Variants in ANK2 observed in about 807,000 individuals in gnomAD.
ANK2 encodes the protein ankyrin 2.
In ANK2, 83 loss-of-function variants were observed where a neutral mutation model predicts 360.5. The ratio of observed to expected loss-of-function variants is 0.23; its 90% CI spans 0.19 to 0.28. The LOEUF (loss-of-function observed/expected upper bound fraction) is 0.28, where lower values mean the gene tolerates loss of function less well. ANK2 is among the 10% of genes least tolerant of loss of function. The pLI, the probability that ANK2 is intolerant of heterozygous loss-of-function variation, is 1.00. For missense variants in ANK2, 4,201 were observed against 4,795.7 expected (o/e 0.88, Z 3.66); for synonymous variants, 1,740 against 1,759.5 (o/e 0.99, Z 0.28).
chr4:113,381,578 C>T lies in ANK2; in HGVS notation c.*107C>T, dbSNP rs571725477. On this transcript the variant is annotated 3_prime_UTR_variant, in exon 46 of 46. Transcript: ENST00000357077. ...AGCACTAGACCAGGACGACCTCCAGCGCGATCTCCAGCAGCTCCTTCGGCA... is the reference window on the plus strand; with the variant it reads ...AGCACTAGACCAGGACGACCTCCAGTGCGATCTCCAGCAGCTCCTTCGGCA... 1.4e-5 allele frequency: 22 copies of T among 1,603,068 alleles called. No individual in the cohort carries two copies. The highest frequency in any genetic ancestry group is 6.7e-5 in the East Asian group (3 of 44,598).
rs1585111887 is a variant in ANK2, at chr4:113,217,673, C to G, written c.385-14488C>G. Among the ~76,000 whole-genome samples, 3 of 152,206 alleles carry G rather than the reference C, an allele frequency of 2.0e-5. No individual in the cohort carries two copies. The East Asian group carries it at 5.8e-4, about 29-fold the overall frequency. ...GAATCTAATGCCATCTCTGATCTGA[C>G]AGGAGGTGGAGCTCAGGCGGTAATG... On this transcript the variant is annotated intron_variant, in intron 4 of 45. Transcript: ENST00000357077.
At chr4:112,872,494 C>T (rs1008621305) in intron 1 of ANK2, among the ~76,000 whole-genome samples, 4 of 152,212 alleles carry the variant, frequency 2.6e-5, no homozygotes, top group African/African-American at 7.2e-5. Context: ...TGCGCCATCA[C>T]GCCTGGCTAA....
chr4:112,955,331 A>G (rs897911855), intron 2 of ANK2, among the ~76,000 whole-genome samples: 11 of 152,174 alleles, frequency 7.2e-5, no homozygotes, highest in African/African-American at 2.4e-4. Context: ...TGCAAAAATC[A>G]TCTTTTACTT....
intron 2 of ANK2, among the ~76,000 whole-genome samples, chr4:113,028,200 C>T (rs1185393732): frequency 6.6e-6 from 1 of 151,948 alleles, no homozygotes. Flanking sequence ...TATGAGAGCA[C>T]AGAGTAGGCA....
rs561478127 is a variant in ANK2, at chr4:113,105,962, C to T, written c.84+56150C>T. 7.0e-4 allele frequency among the ~76,000 whole-genome samples: 106 copies of T among 152,264 alleles called. 3 individuals carry two copies. In the South Asian group the frequency reaches 0.021, roughly 30 times the overall value. On this transcript the variant is annotated intron_variant, in intron 1 of 45. Transcript: ENST00000357077. ...GAGATTTGGGAGAGGGATGTGGCAA[C>T]TGCTAACTTATAAATATTTTGCTAA... is the stretch of plus-strand genomic sequence containing the variant.
intron 2 of ANK2, among the ~76,000 whole-genome samples, chr4:112,916,415 C>A (rs2089858951): frequency 6.6e-6 from 1 of 152,180 alleles, no homozygotes; most frequent in Admixed American, 6.5e-5. Context: ...CTTTAATGTG[C>A]ATCATAATTC....
chr4:113,030,990 A>C (rs1263990115), intron 2 of ANK2, among the ~76,000 whole-genome samples: 1 of 152,006 alleles, frequency 6.6e-6, no homozygotes, highest in African/African-American at 2.4e-5. Context: ...AGAGTGATAG[A>C]TATTATGAGA....
intron 1 of ANK2, among the ~76,000 whole-genome samples, chr4:112,850,325 T>TCCATC (rs1560781869): frequency 2.5e-5 from 2 of 78,748 alleles, no homozygotes; most frequent in African/African-American, 1.1e-4. Flanking sequence ...ATCCATCCAT[T>TCCATC]CATCTGTCCA....
intron 14 of ANK2, among the ~76,000 whole-genome samples, chr4:113,271,479 GACACAC>G (rs3059950): frequency 1.3e-5 from 2 of 150,424 alleles, no homozygotes; most frequent in Admixed American, 6.6e-5. Flanking sequence ...TGCACGCACA[GACACAC>G]ACACACACAC....
At chr4:113,331,749 A>G (rs1346121703) in intron 27 of ANK2, among the ~76,000 whole-genome samples, 1 of 151,940 alleles carries the variant, frequency 6.6e-6, no homozygotes, top group Admixed American at 6.6e-5. Context: ...CTAATTAGGG[A>G]CAGACCGGAC....
chr4:112,904,065 C>T (rs2084379076), intron 1 of ANK2, among the ~76,000 whole-genome samples: 1 of 152,130 alleles, frequency 6.6e-6, no homozygotes, highest in South Asian at 2.1e-4. Flanking sequence ...AATGCTTATC[C>T]AATTTAATAC....
chr4:113,158,169 G>A (rs1363642865), intron 1 of ANK2, among the ~76,000 whole-genome samples: 3 of 152,172 alleles, frequency 2.0e-5, no homozygotes, highest in African/African-American at 7.2e-5. Flanking sequence ...AGTCCATGTT[G>A]TGTAGGAAAA....
At chr4:113,088,122 G>GCA (rs1324287705) in intron 1 of ANK2, among the ~76,000 whole-genome samples, 19 of 152,102 alleles carry the variant, frequency 1.2e-4, no homozygotes, top group African/African-American at 4.6e-4. Flanking sequence ...ATAGATTTAA[G>GCA]GCTGATAAAT....
chr4:113,274,122 C>T (rs929265900), intron 14 of ANK2, among the ~76,000 whole-genome samples: 1 of 152,094 alleles, frequency 6.6e-6, no homozygotes, highest in South Asian at 2.1e-4. Flanking sequence ...GACTTTTGGA[C>T]TAGATTTTAT....
the ANK2 span, among the ~76,000 whole-genome samples, chr4:112,751,520 C>G: frequency 2.0e-5 from 3 of 151,552 alleles, no homozygotes; most frequent in Admixed American, 6.6e-5. Flanking sequence ...AAGAAGATAT[C>G]ATTGTGGGCA....
intron 38 of ANK2, among the ~76,000 whole-genome samples, chr4:113,360,166 T>C (rs1248935236): frequency 6.6e-6 from 1 of 152,198 alleles, no homozygotes; most frequent in Non-Finnish European, 1.5e-5. Flanking sequence ...GGGAAAATTA[T>C]AGTTTATAGG....
intron 1 of ANK2, among the ~76,000 whole-genome samples, chr4:113,154,051 T>G (rs1562462142): frequency 6.6e-6 from 1 of 152,174 alleles, no homozygotes; most frequent in Admixed American, 6.6e-5. Context: ...GTTAATTCAA[T>G]GTATTGCCAA....
intron 1 of ANK2, among the ~76,000 whole-genome samples, chr4:112,883,692 A>G (rs2077439518): frequency 1.3e-5 from 2 of 151,992 alleles, no homozygotes; most frequent in African/African-American, 4.8e-5. Context: ...TAGACTATCC[A>G]TTGGAGATGT....
intron 1 of ANK2, among the ~76,000 whole-genome samples, chr4:113,097,860 G>GCATATA (rs1562039864): frequency 7.6e-4 from 41 of 54,300 alleles, no homozygotes; most frequent in African/African-American, 4.4e-3. Flanking sequence ...GTGTGTGTGT[G>GCATATA]TGTGTGTATA....
Sources: gnomAD v4.1 joint callset for allele counts (sites outside exome capture counted in the v4.1 genomes callset) on GRCh38, gnomAD v4.1.1 for gene constraint, MANE v1.5 for transcripts, NCBI Gene and HGNC (gene_info 2026-07-23, HGNC 2026-07-21) for gene names.